The following INTU variants were observed in gnomAD, a reference collection of about 807,000 sequenced individuals.
INTU encodes the protein protein inturned.
Under a neutral mutation model 100.5 loss-of-function variants are expected in INTU, and 68 were observed. The observed-to-expected ratio is 0.68, with a 90% CI of 0.56 to 0.83. The LOEUF (loss-of-function observed/expected upper bound fraction) is 0.83. Among genes scored for constraint, INTU ranks in the 40% least tolerant of loss-of-function variants. The probability of loss-of-function intolerance (pLI) is 0.00; values close to 1 mark genes in which losing one functional copy is unlikely to be tolerated. For synonymous variants in INTU, 357 were observed against 395.7 expected (o/e 0.90, Z 1.16); for missense variants, 1,071 against 1,114.7 (o/e 0.96, Z 0.56).
intron 2 of INTU, among the ~76,000 whole-genome samples, chr4:127,644,401 C>T (rs1263684058): frequency 6.6e-6 from 1 of 152,044 alleles, no homozygotes; most frequent in African/African-American, 2.4e-5. Flanking sequence ...GTTTGAATGG[C>T]TATATCCAGT....
chr4:127,645,902 G>T (rs759028790), intron 2 of INTU, among the ~76,000 whole-genome samples: 2 of 151,958 alleles, frequency 1.3e-5, no homozygotes, highest in Non-Finnish European at 2.9e-5. Flanking sequence ...ATTTGGATAG[G>T]CCTGGCGTGG....
At chr4:127,650,374 TC>T (rs1373881631) in intron 2 of INTU, among the ~76,000 whole-genome samples, 1 of 71,846 alleles carries the variant, frequency 1.4e-5, no homozygotes. Context: ...CCCTCCCCCC[TC>T]CCCCCACCCC....
intron 1 of INTU, among the ~76,000 whole-genome samples, chr4:127,635,169 G>A (rs1372533986): frequency 2.0e-5 from 3 of 152,122 alleles, no homozygotes; most frequent in African/African-American, 7.2e-5. Context: ...GAATTTAAAA[G>A]TTTATCATCT....
At chr4:127,700,805 T>C (rs1730615622) in intron 9 of INTU, among the ~76,000 whole-genome samples, 1 of 151,444 alleles carries the variant, frequency 6.6e-6, no homozygotes, top group Admixed American at 6.6e-5. Context: ...ACTAGTCAAC[T>C]TTGGAGAATA....
In INTU at chr4:127,632,990, T is replaced by A; in HGVS notation, c.-45T>A. On this transcript the variant is annotated 5_prime_UTR_variant, in exon 1 of 16. Transcript: ENST00000335251. The stretch of plus-strand genomic sequence containing the variant: ...CATGGCGGCCTTAGCAAGCTATAGC[T>A]GCGAGATTTGAATTACTCCACTCGT... 6.3e-7 allele frequency: 1 copy of A among 1,582,536 alleles called. No individual in the cohort carries two copies.
At chr4:127,696,989 G>A (rs939720817) in intron 8 of INTU, among the ~76,000 whole-genome samples, 15 of 152,172 alleles carry the variant, frequency 9.9e-5, no homozygotes, top group South Asian at 4.1e-4. Flanking sequence ...AGCCCTATCC[G>A]TTTAAATTGC....
intron 1 of INTU, among the ~76,000 whole-genome samples, chr4:127,640,196 CAA>C (rs1260551649): frequency 6.6e-6 from 1 of 151,986 alleles, no homozygotes; most frequent in Non-Finnish European, 1.5e-5. Flanking sequence ...TTTCTATTGA[CAA>C]GAGTCCTGTG....
chr4:127,682,533 G>GAATAT (rs1560860109), intron 6 of INTU, among the ~76,000 whole-genome samples: 1 of 145,120 alleles, frequency 6.9e-6, no homozygotes, highest in East Asian at 2.1e-4. Flanking sequence ...CTCATAGGTG[G>GAATAT]GAATTGAACA....
intron 12 of INTU, among the ~76,000 whole-genome samples, chr4:127,707,773 T>C (rs1290545967): frequency 6.6e-6 from 1 of 152,226 alleles, no homozygotes; most frequent in Non-Finnish European, 1.5e-5. Flanking sequence ...AGATCATTTT[T>C]CCTAATTTTT....
chr4:127,687,707 G>T lies in INTU; in HGVS notation c.1289G>T (p.Arg430Leu). The change falls in exon 8 of 16, where the codon CGT (arginine) becomes CTT (leucine). Residue 430 changes from arginine to leucine, a missense_variant. Transcript: ENST00000335251. ...TTTTGCCAGATTGAGAATGTTCCTC[G>T]TTTGGATCATTTTTTTAACTTGTTC... is the stretch of plus-strand genomic sequence containing the variant. ...SAFCQIENVP[R>L]LDHFFNLFFQ... The T allele has an allele frequency of 1.9e-6, 3 of 1,612,188 alleles. No homozygotes were observed. Among genetic ancestry groups the T allele is most frequent in the Non-Finnish European group, 2.5e-6 (3 of 1,178,686 alleles).
intron 2 of INTU, among the ~76,000 whole-genome samples, chr4:127,644,973 T>C (rs556560888): frequency 3.9e-5 from 6 of 152,350 alleles, no homozygotes; most frequent in African/African-American, 1.2e-4. Context: ...GATCCAATTA[T>C]TTCTTGAAAG....
chr4:127,636,468 C>G lies in INTU; in HGVS notation c.146+3288C>G, dbSNP rs181870883. Among the ~76,000 whole-genome samples, 364 of 151,786 alleles carry G rather than the reference C, an allele frequency of 2.4e-3. 2 individuals carry two copies. The highest frequency in any genetic ancestry group is 8.4e-3 in the African/African-American group (346 of 41,388). On this transcript the variant is annotated intron_variant, in intron 1 of 15. Coordinates refer to ENST00000335251, the MANE Select transcript of INTU (RefSeq NM_015693.4). Reference sequence around the variant, plus strand: ...TCTACTAAAGATACAAAAAATTAGCCGGGCATGGTGGTGTCCACCTGTAAT... The same window carrying G: ...TCTACTAAAGATACAAAAAATTAGCGGGGCATGGTGGTGTCCACCTGTAAT...
Position 127,723,897 on chromosome 4 carries a change from C to T in INTU, c.*7461C>T, listed in dbSNP as rs1346907108. ...CTGAGGTGGGAAGATCACCTGAGCT[C>T]AGTCGGTTGAGGCTGCAGTGAGCTA... On this transcript the variant is annotated 3_prime_UTR_variant, in exon 16 of 16. Coordinates refer to ENST00000335251, the MANE Select transcript of INTU (RefSeq NM_015693.4). The T allele has an allele frequency of 6.6e-6, 1 of 151,888 alleles. No individual in the cohort carries two copies. The highest frequency in any genetic ancestry group is 2.4e-5 in the African/African-American group (1 of 41,312). The allele number at this position is 151,888 out of a possible 1,614,324, so 9.4% of individuals were successfully genotyped here. A position where few individuals can be genotyped will look rare whatever the true frequency, so the allele number is the denominator to read the frequency against.
intron 4 of INTU, among the ~76,000 whole-genome samples, chr4:127,664,315 G>A (rs189872120): frequency 6.6e-6 from 1 of 151,996 alleles, no homozygotes; most frequent in African/African-American, 2.4e-5. Context: ...TACTTAAGCT[G>A]AAGTGTTTCC....
chr4:127,680,173 G>A (rs1388743903), intron 6 of INTU, among the ~76,000 whole-genome samples: 1 of 152,018 alleles, frequency 6.6e-6, no homozygotes, highest in Non-Finnish European at 1.5e-5. Flanking sequence ...TCTACCAGAG[G>A]TACAAGGAGA....
chr4:127,702,643 T>C (rs1281525991), intron 9 of INTU, among the ~76,000 whole-genome samples: 1 of 152,198 alleles, frequency 6.6e-6, no homozygotes, highest in Non-Finnish European at 1.5e-5. Flanking sequence ...TAAAAAAATA[T>C]GAAAATAAGG....
chr4:127,690,723 A>G (rs1400897969), intron 8 of INTU, among the ~76,000 whole-genome samples: 1 of 152,156 alleles, frequency 6.6e-6, no homozygotes, highest in African/African-American at 2.4e-5. Context: ...TAAAATTGAG[A>G]GAAAGGTACA....
rs1028755761 is a variant in INTU, at chr4:127,724,713, A to G, written c.*8277A>G. On this transcript the variant is annotated 3_prime_UTR_variant, in exon 16 of 16. Transcript: ENST00000335251. Reference sequence around the variant, plus strand: ...TTCTTCTCCAGGTCTTAAGCTTTGAATACAAGCTATACCAGCACATCTAAA... The same window carrying G: ...TTCTTCTCCAGGTCTTAAGCTTTGAGTACAAGCTATACCAGCACATCTAAA... The G allele has an allele frequency of 1.3e-5, 2 of 152,196 alleles. No homozygotes were observed. Among genetic ancestry groups the G allele is most frequent in the Admixed American group, 6.5e-5 (1 of 15,278 alleles). 9.4% of individuals were successfully genotyped at this position (152,196 alleles called of 1,614,324 possible).
At chr4:127,674,847 T>A (rs1424468120) in intron 6 of INTU, among the ~76,000 whole-genome samples, 1 of 152,220 alleles carries the variant, frequency 6.6e-6, no homozygotes, top group Non-Finnish European at 1.5e-5. Flanking sequence ...CCAGACGTAC[T>A]TAGTGATTAT....
Sources: gnomAD v4.1 joint callset for allele counts (sites outside exome capture counted in the v4.1 genomes callset) on GRCh38, gnomAD v4.1.1 for gene constraint, MANE v1.5 for transcripts, NCBI Gene and HGNC (gene_info 2026-07-23, HGNC 2026-07-21) for gene names.